SNX29: variants seen among roughly 807,000 people sequenced by gnomAD.
SNX29 encodes sorting nexin-29.
Under a neutral mutation model 102.1 loss-of-function variants are expected in SNX29, and 78 were observed. The ratio of observed to expected loss-of-function variants is 0.76; its 90% CI spans 0.64 to 0.92. The LOEUF (loss-of-function observed/expected upper bound fraction) is 0.92, where lower values mean the gene tolerates loss of function less well. SNX29 is among the 40% of genes least tolerant of loss of function. SNX29 has a pLI of 0.00. For synonymous variants in SNX29, 580 were observed against 414.5 expected (o/e 1.40, Z -4.85); for missense variants, 1,280 against 1,061.7 (o/e 1.21, Z -2.86).
chr16:12,539,380 C>G (rs146890540), intron 20 of SNX29, among the ~76,000 whole-genome samples: 1 of 152,024 alleles, frequency 6.6e-6, no homozygotes, highest in African/African-American at 2.4e-5. Context: ...TTGAGGCTGG[C>G]GTCTTTCAGC....
intron 19 of SNX29, among the ~76,000 whole-genome samples, chr16:12,520,939 C>T (rs1326395057): frequency 1.3e-5 from 2 of 152,176 alleles, no homozygotes; most frequent in Non-Finnish European, 2.9e-5. Flanking sequence ...TAGCTCATGC[C>T]TGTAATCCCA....
Position 12,155,378 on chromosome 16 carries a change from G to T in SNX29, c.1595+25620G>T, listed in dbSNP as rs532356387. Among the ~76,000 whole-genome samples, 8 of 152,180 alleles carry T rather than the reference G, an allele frequency of 5.3e-5. No individual in the cohort carries two copies. In the East Asian group the frequency reaches 1.3e-3, roughly 26 times the overall value. Reference sequence around the variant, plus strand: ...CAAGCCACTGGGAGGAGCAGCTCACGTGAAGAGCCACAGAATGTTTCTCTT... The same window carrying T: ...CAAGCCACTGGGAGGAGCAGCTCACTTGAAGAGCCACAGAATGTTTCTCTT... On this transcript the variant is annotated intron_variant, in intron 13 of 20. Coordinates refer to ENST00000566228, the MANE Select transcript of SNX29 (RefSeq NM_032167.5).
intron 13 of SNX29, among the ~76,000 whole-genome samples, chr16:12,166,779 G>T (rs2056046008): frequency 6.6e-6 from 1 of 152,200 alleles, no homozygotes; most frequent in Non-Finnish European, 1.5e-5. Flanking sequence ...TTGAAAACCA[G>T]GAAGTCATGA....
intron 14 of SNX29, among the ~76,000 whole-genome samples, chr16:12,252,128 C>G (rs1031499345): frequency 6.6e-6 from 1 of 152,226 alleles, no homozygotes; most frequent in Admixed American, 6.5e-5. Flanking sequence ...CAGAAATCAT[C>G]TCTTCTGCTC....
At chr16:12,515,029 C>G (rs988646447) in intron 19 of SNX29, among the ~76,000 whole-genome samples, 4 of 152,120 alleles carry the variant, frequency 2.6e-5, no homozygotes, top group Non-Finnish European at 4.4e-5. Context: ...AGCCCAGTGC[C>G]TGGCAGAGAA....
intron 20 of SNX29, 78 bp from the exon 21 acceptor site, chr16:12,568,428 A>C: frequency 6.3e-7 from 1 of 1,575,636 alleles, no homozygotes; most frequent in Non-Finnish European, 8.6e-7. Context: ...CTGCCCTCAC[A>C]CCTGGCTCCC....
At chr16:12,151,343 T>C (rs1478423499) in intron 13 of SNX29, among the ~76,000 whole-genome samples, 1 of 152,236 alleles carries the variant, frequency 6.6e-6, no homozygotes, top group Non-Finnish European at 1.5e-5. Context: ...TCTCTTAATA[T>C]CTAAGTTCAA....
intron 3 of SNX29, among the ~76,000 whole-genome samples, chr16:12,019,607 G>A (rs1006179067): frequency 6.6e-6 from 1 of 150,478 alleles, no homozygotes; most frequent in Non-Finnish European, 1.5e-5. Context: ...TAGATAGATA[G>A]ATAGATAGAT....
intron 14 of SNX29, among the ~76,000 whole-genome samples, chr16:12,249,675 C>G (rs2078365118): frequency 6.6e-6 from 1 of 152,178 alleles, no homozygotes; most frequent in Non-Finnish European, 1.5e-5. Flanking sequence ...CTCTGTTTTT[C>G]TCATGGGCAA....
chr16:12,388,176 T>C (rs1253059063), intron 16 of SNX29, among the ~76,000 whole-genome samples: 4 of 152,140 alleles, frequency 2.6e-5, no homozygotes, highest in Non-Finnish European at 5.9e-5. Flanking sequence ...TCCGCACCCA[T>C]GTTTCTTCTG....
chr16:12,258,787 A>C (rs1192578384), intron 14 of SNX29, among the ~76,000 whole-genome samples: 1 of 152,186 alleles, frequency 6.6e-6, no homozygotes, highest in Non-Finnish European at 1.5e-5. Flanking sequence ...TTCCTGAATC[A>C]GACGTCTCCT....
At chr16:12,031,000 T>C (rs1360010482) in intron 4 of SNX29, among the ~76,000 whole-genome samples, 1 of 152,144 alleles carries the variant, frequency 6.6e-6, no homozygotes, top group Non-Finnish European at 1.5e-5. Flanking sequence ...CCAGATCCTG[T>C]GTGGGGCAGG....
chr16:12,376,762 C>T (rs1247979574), intron 16 of SNX29, among the ~76,000 whole-genome samples: 1 of 104,150 alleles, frequency 9.6e-6, no homozygotes, highest in Non-Finnish European at 2.2e-5. Flanking sequence ...AAAAAAAGAA[C>T]AATTCTATGG....
At chr16:12,179,094 CTG>C (rs1313604547) in intron 13 of SNX29, among the ~76,000 whole-genome samples, 3 of 152,024 alleles carry the variant, frequency 2.0e-5, no homozygotes, top group Admixed American at 1.3e-4. Context: ...GTTTGTGTGT[CTG>C]TGTGTGTGTA....
chr16:12,457,508 G>T (rs1284452118), intron 18 of SNX29, among the ~76,000 whole-genome samples: 6 of 152,194 alleles, frequency 3.9e-5, no homozygotes, highest in African/African-American at 1.4e-4. Flanking sequence ...TAGAGCCTGA[G>T]CTCTTTCTCT....
chr16:12,293,763 T>C (rs1374983132), intron 15 of SNX29, among the ~76,000 whole-genome samples: 1 of 152,240 alleles, frequency 6.6e-6, no homozygotes, highest in African/African-American at 2.4e-5. Context: ...TTTTATCAAT[T>C]AATTTTGAGC....
At chr16:12,254,841 A>G (rs1197801858) in intron 14 of SNX29, among the ~76,000 whole-genome samples, 4 of 152,152 alleles carry the variant, frequency 2.6e-5, no homozygotes, top group African/African-American at 9.7e-5. Context: ...AGACCTAGCC[A>G]GTGGACTGCA....
At chr16:12,540,185 TG>T (rs1278381261) in intron 20 of SNX29, among the ~76,000 whole-genome samples, 2 of 152,216 alleles carry the variant, frequency 1.3e-5, no homozygotes, top group Non-Finnish European at 1.5e-5. Flanking sequence ...AGTGGACTTT[TG>T]TGTCAGGTCC....
intron 20 of SNX29, 136 bp from the exon 21 acceptor site, chr16:12,568,370 T>C: frequency 3.4e-6 from 4 of 1,186,840 alleles, no homozygotes; most frequent in Non-Finnish European, 4.7e-6. Context: ...GTGGCACCAG[T>C]TAGAGGCAGA....
Sources: allele counts gnomAD v4.1 joint callset (sites outside exome capture counted in the v4.1 genomes callset), GRCh38; gene constraint gnomAD v4.1.1; transcripts MANE v1.5; gene names NCBI Gene and HGNC (gene_info 2026-07-23, HGNC 2026-07-21).